CLN6: variants seen among roughly 807,000 people sequenced by gnomAD.
The protein encoded by CLN6 is CLN6 transmembrane ER protein.
CLN6 carries 22 observed loss-of-function variants against 33.3 expected under a neutral mutation model. The observed-to-expected ratio is 0.66, with a 90% CI of 0.47 to 0.94. The LOEUF (loss-of-function observed/expected upper bound fraction) is 0.94, where lower values mean the gene tolerates loss of function less well. Among genes scored for constraint, CLN6 ranks in the 40% least tolerant of loss-of-function variants. The probability of loss-of-function intolerance (pLI) is 0.00; values close to 1 mark genes in which losing one functional copy is unlikely to be tolerated. For synonymous variants in CLN6, 201 were observed against 174.6 expected, an observed-to-expected ratio of 1.15 and a Z score of -1.19; for missense variants, 387 against 417.1, an observed-to-expected ratio of 0.93 and a Z score of 0.63.
chr15:68,255,968 T>G (rs1019946563), intron 1 of CLN6, among the ~76,000 whole-genome samples: 1 of 149,908 alleles, frequency 6.7e-6, no homozygotes, highest in South Asian at 2.1e-4. Flanking sequence ...TAATTAATTT[T>G]TGTACAGACA....
intron 1 of CLN6, among the ~76,000 whole-genome samples, chr15:68,251,533 G>T (rs904653547): frequency 6.6e-6 from 1 of 152,092 alleles, no homozygotes; most frequent in African/African-American, 2.4e-5. Context: ...AAATTAGCTG[G>T]ATATGGTGGT....
chr15:68,229,426 G>A (rs2093262010), intron 1 of CLN6, 76 bp downstream of exon 1: 3 of 1,195,326 alleles, frequency 2.5e-6, no homozygotes, highest in Non-Finnish European at 3.4e-6. Flanking sequence ...GGCAGCCCTA[G>A]GAGCGTCACG....
chr15:68,231,261 C>T (rs1040960180), upstream of CLN6, among the ~76,000 whole-genome samples: 1 of 152,150 alleles, frequency 6.6e-6, no homozygotes, highest in African/African-American at 2.4e-5. Flanking sequence ...ACCTCAATCC[C>T]CCCCCTCCGC....
rs1595818296 is a variant in CLN6 at position 68,211,764 on chromosome 15, C to T, written c.397G>A (p.Val133Ile). 1 of 1,614,014 alleles carries T rather than the reference C, an allele frequency of 6.2e-7. No homozygotes were observed. Among genetic ancestry groups the T allele is most frequent in the Non-Finnish European group, 8.5e-7 (1 of 1,180,012 alleles). ...GASIHLVGDS[V>I]NHRLLFSGYQ... Reference sequence around the variant, plus strand: ...CCACTGAAGAGCAGGCGGTGGTTGACAGAGTCACCCACCAGGTGGATGCTG... The same window carrying T: ...CCACTGAAGAGCAGGCGGTGGTTGATAGAGTCACCCACCAGGTGGATGCTG... Residue 133 changes from valine to isoleucine, a missense_variant, in exon 4 of 7, where the codon GTC becomes ATC. Coordinates refer to ENST00000249806, the MANE Select transcript of CLN6 (RefSeq NM_017882.3). This position sits in a 1 kb window ranked among gnomAD's most constrained non-coding sequence, Gnocchi z 5.9.
chr15:68,250,404 A>T (rs4293323), intron 1 of CLN6, among the ~76,000 whole-genome samples: 1 of 151,878 alleles, frequency 6.6e-6, no homozygotes, highest in Non-Finnish European at 1.5e-5. Context: ...AGGCGGATCA[A>T]GAGGTCAAGA....
intron 2 of CLN6, chr15:68,218,053 C>G (rs2093225349): frequency 6.0e-6 from 1 of 167,712 alleles, no homozygotes. Flanking sequence ...CACTGGATGG[C>G]ATTAAAAATT....
chr15:68,222,811 A>G (rs576702398), intron 1 of CLN6, among the ~76,000 whole-genome samples: 192 of 152,348 alleles, frequency 1.3e-3, no homozygotes, highest in African/African-American at 4.4e-3. Context: ...GGATGCTGTT[A>G]GTCTATAACC....
At chr15:68,230,103 G>A (rs1213897643), upstream of CLN6, among the ~76,000 whole-genome samples, 1 of 152,178 alleles carries the variant, frequency 6.6e-6, no homozygotes, top group Non-Finnish European at 1.5e-5. This position sits in a 1 kb window ranked among gnomAD's most constrained non-coding sequence, Gnocchi z 4.0. Context: ...AGACCTGCAC[G>A]TGTAGCACCC....
In CLN6 at chr15:68,210,890, C is replaced by T. The variant is rs894785867; in HGVS notation, c.542+373G>A. ...GCTGTGCCCCCACCCCCTGCCATCA[C>T]CATCTGGGGGTTGTTTATCAGGGAC... On this transcript the variant is annotated intron_variant, in intron 5 of 6. Coordinates refer to ENST00000249806, the MANE Select transcript of CLN6 (RefSeq NM_017882.3). This position sits in a 1 kb window ranked among gnomAD's most constrained non-coding sequence, Gnocchi z 5.6. Among the ~76,000 whole-genome samples, 1 of 152,162 alleles carries T rather than the reference C, an allele frequency of 6.6e-6. No homozygotes were observed. Among genetic ancestry groups the T allele is most frequent in the Non-Finnish European group, 1.5e-5 (1 of 68,002 alleles).
chr15:68,211,307 A>T lies in CLN6; in HGVS notation c.498T>A (p.Phe166Leu). The change falls in exon 5 of 7, where the codon TTT (phenylalanine) becomes TTA (leucine). Residue 166 changes from phenylalanine (F) to leucine (L), a missense_variant. By Grantham distance (22) the Phe-to-Leu change is conservative. Transcript: ENST00000249806. The surrounding 1 kb of genome is among the most constrained non-coding windows in gnomAD (Gnocchi z 5.9). ...ACTCATCATAATAGTAGAGCAGCTC[A>T]AAGGAGTCGATCTGAGGGAGGAACG... ...NLKPETLIDSFELLYYYDEYL... is the reference protein window; with the variant it reads ...NLKPETLIDSLELLYYYDEYL... 1 of 1,613,212 alleles carries T rather than the reference A, an allele frequency of 6.2e-7. No individual in the cohort carries two copies. Among genetic ancestry groups the T allele is most frequent in the Non-Finnish European group, 8.5e-7 (1 of 1,179,298 alleles).
Position 68,211,564 on chromosome 15 carries a change from A to G in CLN6, c.486+111T>C. 1 of 1,600,962 alleles carries G rather than the reference A, an allele frequency of 6.2e-7. No homozygotes were observed. The highest frequency in any genetic ancestry group is 8.5e-7 in the Non-Finnish European group (1 of 1,179,362). ...GGCGACAGTGCCCTCACCTAGCAGA[A>G]TGCCTTTGGTGAAAGGACAGGTGCG... On this transcript the variant is annotated intron_variant, in intron 4 of 6. Coordinates refer to ENST00000249806, the MANE Select transcript of CLN6 (RefSeq NM_017882.3). The surrounding 1 kb of genome is among the most constrained non-coding windows in gnomAD (Gnocchi z 5.9).
intron 1 of CLN6, among the ~76,000 whole-genome samples, chr15:68,240,749 C>T (rs1366098461): frequency 3.3e-5 from 5 of 151,022 alleles, no homozygotes; most frequent in Admixed American, 1.3e-4. Context: ...TTTGGGAGGC[C>T]GAGAGAGGCG....
chr15:68,214,505 C>T (rs2093215391), intron 2 of CLN6, 117 bp from the exon 3 acceptor site: 2 of 713,600 alleles, frequency 2.8e-6, no homozygotes, highest in Non-Finnish European at 5.1e-6. Context: ...CCCACCCCAT[C>T]ATGTACACTT....
At chr15:68,254,985 T>C in intron 1 of CLN6, 1 of 797,484 alleles carries the variant, frequency 1.3e-6, no homozygotes, top group Non-Finnish European at 2.2e-6. Context: ...TTTACAAAAA[T>C]GCAGAATTTT....
upstream of CLN6, chr15:68,229,782 G>A (rs557876850): frequency 1.1e-4 from 38 of 348,640 alleles, no homozygotes; most frequent in African/African-American, 7.8e-4. Flanking sequence ...AGCGGAGGGA[G>A]GCGGGGCGGA....
intron 1 of CLN6, 47 bp from the exon 2 acceptor site, chr15:68,218,697 A>G: frequency 7.1e-7 from 1 of 1,412,354 alleles, no homozygotes; most frequent in Non-Finnish European, 1.0e-6. Context: ...CTCCTCCTCC[A>G]CCAAAATCTT....
rs150363441 is a variant in CLN6, at chr15:68,208,301, C to T, written c.775G>A (p.Gly259Ser). Reference sequence around the variant, plus strand: ...GCGAAGGAGGAGAAGAGGAAGAGGCCGTTGCTGTCCAGGAAGAGGCGCTTG... The same window carrying T: ...GCGAAGGAGGAGAAGAGGAAGAGGCTGTTGCTGTCCAGGAAGAGGCGCTTG... ...KRKRLFLDSN[G>S]LFLFSSFALT... is the part of the protein sequence containing the mutation. Residue 259 changes from glycine (G) to serine (S), a missense_variant, in exon 7 of 7, where the codon GGC (glycine) becomes AGC (serine). By Grantham distance (56) the Gly-to-Ser change is moderately conservative (BLOSUM62 0). Transcript: ENST00000249806. The surrounding 1 kb of genome is among the most constrained non-coding windows in gnomAD (Gnocchi z 5.8). 1.2e-5 allele frequency: 19 copies of T among 1,613,992 alleles called. No individual in the cohort carries two copies. The highest frequency in any genetic ancestry group is 5.5e-5 in the South Asian group (5 of 91,086).
chr15:68,231,438 C>T (rs746102294), upstream of CLN6, among the ~76,000 whole-genome samples: 1 of 152,242 alleles, frequency 6.6e-6, no homozygotes, highest in South Asian at 2.1e-4. Context: ...GGACAGCACT[C>T]AGACGGGGCC....
In CLN6 at chr15:68,249,582, T is replaced by G. The variant is rs73427826; in HGVS notation, c.179+7108A>C. 4.8e-3 allele frequency among the ~76,000 whole-genome samples: 736 copies of G among 152,202 alleles called. 5 individuals carry two copies. Among genetic ancestry groups the G allele is most frequent in the African/African-American group, 0.015 (632 of 41,514 alleles). On this transcript the variant is annotated intron_variant, in intron 1 of 6. Coordinates refer to the CLN6 transcript ENST00000538696. ...GAAGCCAAGCACAGAAAGACAAATA[T>G]ATCTCATGTTCTCACTCACATATGG...
Sources: gnomAD v4.1 joint callset for allele counts (sites outside exome capture counted in the v4.1 genomes callset) on GRCh38, gnomAD v4.1.1 for gene constraint, Gnocchi (gnomAD v3.1) non-coding constraint, MANE v1.5 for transcripts, NCBI Gene and HGNC (gene_info 2026-07-23, HGNC 2026-07-21) for gene names.